ZFYVE9: variants seen among roughly 807,000 people sequenced by gnomAD.
The protein encoded by ZFYVE9 is zinc finger FYVE-type containing 9, also known as zinc finger FYVE domain-containing protein 9.
ZFYVE9 carries 43 observed loss-of-function variants against 126.7 expected under a neutral mutation model. The ratio of observed to expected loss-of-function variants is 0.34; its 90% CI spans 0.27 to 0.44. The LOEUF is 0.44. Among genes scored for constraint, ZFYVE9 ranks in the 20% least tolerant of loss-of-function variants. The probability of loss-of-function intolerance (pLI) is 1.00; values close to 1 mark genes in which losing one functional copy is unlikely to be tolerated. For synonymous variants in ZFYVE9, 521 were observed against 597.4 expected (o/e 0.87, Z 1.87); for missense variants, 1,476 against 1,697.0 (o/e 0.87, Z 2.29).
At chr1:52,263,933 G>T in intron 5 of ZFYVE9, 61 bp downstream of exon 5, 1 of 1,160,882 alleles carries the variant, frequency 8.6e-7, no homozygotes, top group South Asian at 1.6e-5. Context: ...ATTACGATGA[G>T]AAGACTTTTT....
At chr1:52,143,530 C>T (rs1223304688) in intron 1 of ZFYVE9, among the ~76,000 whole-genome samples, 1 of 152,028 alleles carries the variant, frequency 6.6e-6, no homozygotes, top group Admixed American at 6.5e-5. Flanking sequence ...CATGTTGGCT[C>T]TTAATAAATA....
At chr1:52,159,830 C>G (rs1448998015) in intron 1 of ZFYVE9, among the ~76,000 whole-genome samples, 1 of 151,436 alleles carries the variant, frequency 6.6e-6, no homozygotes, top group Non-Finnish European at 1.5e-5. Flanking sequence ...GAGTCTCGCT[C>G]TGTCACCCAG....
intron 10 of ZFYVE9, among the ~76,000 whole-genome samples, chr1:52,282,255 CAACTT>C (rs1306153866): frequency 6.6e-6 from 1 of 151,260 alleles, no homozygotes. Flanking sequence ...TTAACTGTAA[CAACTT>C]AAAAGTAAAA....
chr1:52,200,183 T>G (rs1644910614), intron 1 of ZFYVE9, among the ~76,000 whole-genome samples: 1 of 152,016 alleles, frequency 6.6e-6, no homozygotes, highest in Admixed American at 6.6e-5. Context: ...TTATTTTTTA[T>G]TTTTTATTTT....
rs918311572 is a variant in ZFYVE9, at chr1:52,275,906, T to A, written c.2746+1322T>A. ...AAATTACTTACCTTAGCAAGCAATT[T>A]TTTTTTTTTTTTTTTTTTTTGAGAT... is the stretch of plus-strand genomic sequence containing the variant. On this transcript the variant is annotated intron_variant, in intron 8 of 18. Transcript: ENST00000287727. Among the ~76,000 whole-genome samples, 31 of 143,342 alleles carry A rather than the reference T, an allele frequency of 2.2e-4. 1 individual carries two copies. Among genetic ancestry groups the A allele is most frequent in the Admixed American group, 1.7e-3 (24 of 14,500 alleles). 94.0% of individuals were successfully genotyped at this position (143,342 alleles called of 152,430 possible).
intron 13 of ZFYVE9, among the ~76,000 whole-genome samples, chr1:52,305,433 A>C (rs939289818): frequency 6.6e-6 from 1 of 152,222 alleles, no homozygotes; most frequent in Non-Finnish European, 1.5e-5. Context: ...CTGTCTCAAA[A>C]AAACAAACAA....
At chr1:52,218,000 T>C (rs1645087673) in intron 2 of ZFYVE9, among the ~76,000 whole-genome samples, 1 of 152,230 alleles carries the variant, frequency 6.6e-6, no homozygotes, top group Non-Finnish European at 1.5e-5. Context: ...CAGTCTACGT[T>C]TTTGTTTATA....
At chr1:52,318,558 C>T (rs1646209078) in intron 13 of ZFYVE9, among the ~76,000 whole-genome samples, 1 of 151,712 alleles carries the variant, frequency 6.6e-6, no homozygotes, top group African/African-American at 2.4e-5. Flanking sequence ...TTTTATTGAG[C>T]ATTGTAATGG....
At chr1:52,294,556 G>A (rs562193499) in intron 11 of ZFYVE9, among the ~76,000 whole-genome samples, 5 of 152,170 alleles carry the variant, frequency 3.3e-5, no homozygotes, top group East Asian at 3.9e-4. Context: ...ATAGGCTCTC[G>A]GGAACTTTTA....
chr1:52,172,583 A>G (rs1244318790), intron 1 of ZFYVE9, among the ~76,000 whole-genome samples: 1 of 152,154 alleles, frequency 6.6e-6, no homozygotes, highest in Non-Finnish European at 1.5e-5. Flanking sequence ...TCTATAAATT[A>G]CCTTGGGCAG....
chr1:52,312,232 A>G (rs953965605), intron 13 of ZFYVE9, among the ~76,000 whole-genome samples: 2 of 152,218 alleles, frequency 1.3e-5, no homozygotes, highest in East Asian at 3.8e-4. Context: ...TGAAGTGGCG[A>G]AGACTCAAAA....
intron 13 of ZFYVE9, among the ~76,000 whole-genome samples, chr1:52,330,667 C>T (rs1468721342): frequency 6.6e-6 from 1 of 152,094 alleles, no homozygotes; most frequent in African/African-American, 2.4e-5. Flanking sequence ...TCATCACCAT[C>T]TTGGTTTTGG....
intron 1 of ZFYVE9, among the ~76,000 whole-genome samples, chr1:52,196,279 AGTG>A (rs1343429344): frequency 6.6e-6 from 1 of 152,194 alleles, no homozygotes. Flanking sequence ...AAAATTTTAC[AGTG>A]GTTCTTTTAA....
intron 1 of ZFYVE9, among the ~76,000 whole-genome samples, chr1:52,184,630 C>G (rs867006397): frequency 2.6e-5 from 4 of 151,510 alleles, no homozygotes; most frequent in African/African-American, 9.7e-5. Context: ...GGTCCTCAAT[C>G]AGATACTTAA....
chr1:52,263,341 G>A (rs1645599589), intron 4 of ZFYVE9, among the ~76,000 whole-genome samples: 1 of 152,114 alleles, frequency 6.6e-6, no homozygotes, highest in Admixed American at 6.5e-5. Flanking sequence ...CCACATATAA[G>A]GATAGTAACA....
chr1:52,299,952 G>A (rs1055332957), intron 12 of ZFYVE9, among the ~76,000 whole-genome samples: 10 of 152,324 alleles, frequency 6.6e-5, no homozygotes, highest in Middle Eastern at 3.4e-3. Context: ...TGTGAGGACC[G>A]CGGGACGAGG....
At chr1:52,204,474 C>T (rs185367586) in intron 1 of ZFYVE9, among the ~76,000 whole-genome samples, 18 of 152,284 alleles carry the variant, frequency 1.2e-4, no homozygotes, top group African/African-American at 3.1e-4. Flanking sequence ...GCCTGCTAAT[C>T]CCAGCACTTT....
intron 12 of ZFYVE9, among the ~76,000 whole-genome samples, chr1:52,299,323 C>G (rs1197916541): frequency 6.6e-6 from 1 of 152,112 alleles, no homozygotes; most frequent in Admixed American, 6.5e-5. Context: ...TTGGTGGCAT[C>G]TTTAGGGTTT....
intron 13 of ZFYVE9, among the ~76,000 whole-genome samples, chr1:52,329,925 C>A (rs1055781407): frequency 4.0e-5 from 6 of 151,804 alleles, no homozygotes. Context: ...AAAAAAAATT[C>A]TTCCGTGTCA....
Sources: allele counts gnomAD v4.1 joint callset (sites outside exome capture counted in the v4.1 genomes callset), GRCh38; gene constraint gnomAD v4.1.1; transcripts MANE v1.5; gene names NCBI Gene and HGNC (gene_info 2026-07-23, HGNC 2026-07-21).